Variants in NUDT2 observed in about 807,000 individuals in gnomAD.
NUDT2 encodes the protein bis(5'-nucleosyl)-tetraphosphatase [asymmetrical].
A neutral mutation model predicts 14.2 loss-of-function variants in NUDT2; 12 were observed. The observed-to-expected ratio is 0.84, with a 90% CI of 0.54 to 1.37. The LOEUF is 1.37. Ranked by LOEUF, NUDT2 falls within the 40% of genes most tolerant of loss-of-function variation. The pLI, the probability that NUDT2 is intolerant of heterozygous loss-of-function variation, is 0.00. For missense variants in NUDT2, 167 were observed against 176.7 expected (o/e 0.95, Z 0.31); for synonymous variants, 67 against 67.4 (o/e 0.99, Z 0.03).
intron 1 of NUDT2, among the ~76,000 whole-genome samples, chr9:34,335,480 T>C (rs1838068421): frequency 6.6e-6 from 1 of 152,194 alleles, no homozygotes; most frequent in Non-Finnish European, 1.5e-5. Flanking sequence ...GTTCAAGCCG[T>C]GTTAAGGATG....
At chr9:34,330,789 G>A (rs1426754622) in intron 1 of NUDT2, among the ~76,000 whole-genome samples, 1 of 151,834 alleles carries the variant, frequency 6.6e-6, no homozygotes, top group East Asian at 1.9e-4. Context: ...GTGAAACCCC[G>A]TCTCTACTAA....
chr9:34,334,526 G>A (rs1262355902), intron 1 of NUDT2, among the ~76,000 whole-genome samples: 1 of 152,148 alleles, frequency 6.6e-6, no homozygotes. Context: ...TCAGCTTTGT[G>A]GTCTCCAGAA....
intron 4 of NUDT2, among the ~76,000 whole-genome samples, chr9:34,339,746 G>A (rs1325509562): frequency 6.6e-6 from 1 of 152,050 alleles, no homozygotes; most frequent in Admixed American, 6.6e-5. Flanking sequence ...AGGAGGCTGA[G>A]GTTAGAGAAT....
chr9:34,333,854 CT>C (rs1838018019), intron 1 of NUDT2, among the ~76,000 whole-genome samples: 1 of 152,086 alleles, frequency 6.6e-6, no homozygotes, highest in Admixed American at 6.6e-5. Flanking sequence ...CAGCTATGCC[CT>C]TATGCAAGTA....
intron 4 of NUDT2, among the ~76,000 whole-genome samples, chr9:34,340,629 C>T (rs1820162466): frequency 6.6e-6 from 1 of 152,186 alleles, no homozygotes; most frequent in South Asian, 2.1e-4. Context: ...CACTCCTGAC[C>T]TCACCTCTAA....
In NUDT2 at chr9:34,338,819, T is replaced by C; in HGVS notation, c.-45T>C. ...TAGAGGCCACATTGACTGAGGGTAG[T>C]TGCCAGGGTCCTGCAGTTATACACA... On this transcript the variant is annotated 5_prime_UTR_variant, in exon 3 of 5. Coordinates refer to ENST00000379158, the MANE Select transcript of NUDT2 (RefSeq NM_001161.5). The C allele has an allele frequency of 2.6e-6, 1 of 377,412 alleles. No individual in the cohort carries two copies. The highest frequency in any genetic ancestry group is 5.4e-5 in the South Asian group (1 of 18,600). The allele number at this position is 377,412 out of a possible 1,614,324, so 23.4% of individuals were successfully genotyped here. A position where few individuals can be genotyped will look rare whatever the true frequency, so the allele number is the denominator to read the frequency against.
chr9:34,340,183 G>T (rs1838197155), intron 4 of NUDT2, among the ~76,000 whole-genome samples: 1 of 152,228 alleles, frequency 6.6e-6, no homozygotes, highest in East Asian at 1.9e-4. Context: ...TGATCTGCCC[G>T]TCTGAGCCTC....
rs139349384 is a variant in NUDT2 at position 34,343,303 on chromosome 9, G to A, written c.307G>A (p.Val103Met). The change falls in exon 5 of 5, where the codon GTG becomes ATG. Residue 103 changes from valine (V) to methionine (M), a missense_variant. Physicochemically the swap from Val to Met is conservative, Grantham distance 21. Transcript: ENST00000379158. ...GCTGGCGGAGGTGAAGGACTATGAC[G>A]TGGAGATCCGCCTCTCCCATGAGCA... ...YWLAEVKDYD[V>M]EIRLSHEHQA... 30 of 1,611,774 alleles carry A rather than the reference G, an allele frequency of 1.9e-5. No individual in the cohort carries two copies. Among genetic ancestry groups the A allele is most frequent in the Admixed American group, 6.7e-5 (4 of 59,898 alleles).
rs549533874 is a variant in NUDT2, at chr9:34,335,164, A to G, written c.-264-1065A>G. On this transcript the variant is annotated intron_variant, in intron 1 of 4. Transcript: ENST00000379158. ...CCGGCTTCTCCAGATCACCTGAGTC[A>G]CTGAGCTTGGGACCAGTGAAAGGAA... Among the ~76,000 whole-genome samples the G allele has an allele frequency of 1.1e-3, 169 of 152,282 alleles. 6 individuals carry two copies. In the South Asian group the frequency reaches 0.034, roughly 30 times the overall value.
At chr9:34,331,182 A>G (rs997404965) in intron 1 of NUDT2, among the ~76,000 whole-genome samples, 3 of 152,208 alleles carry the variant, frequency 2.0e-5, no homozygotes, top group African/African-American at 7.2e-5. Flanking sequence ...GGGACCTTAT[A>G]AGGAATATAT....
intron 4 of NUDT2, 125 bp downstream of exon 4, chr9:34,339,291 A>AAACTT: frequency 8.5e-7 from 1 of 1,175,850 alleles, no homozygotes. Flanking sequence ...GGAAGGTAGG[A>AAACTT]GCTCTTGACC....
chr9:34,343,033 CAG>C, intron 4 of NUDT2, 89 bp from the exon 5 acceptor site: 3 of 1,212,638 alleles, frequency 2.5e-6, no homozygotes, highest in Non-Finnish European at 3.5e-6. Context: ...CAAAGCAAAA[CAG>C]AAAAAAAAAA....
chr9:34,340,868 G>A (rs1027987237), intron 4 of NUDT2, among the ~76,000 whole-genome samples: 7 of 152,118 alleles, frequency 4.6e-5, no homozygotes, highest in Admixed American at 1.3e-4. Flanking sequence ...TATAGAGACA[G>A]GGTCTTACTA....
rs112885765 is a variant in NUDT2 at position 34,343,538 on chromosome 9, C to T, written c.*98C>T. The T allele has an allele frequency of 1.4e-5, 16 of 1,117,682 alleles. No individual in the cohort carries two copies. The highest frequency in any genetic ancestry group is 1.0e-4 in the East Asian group (4 of 38,478). The allele number at this position is 1,117,682 out of a possible 1,614,324, so 69.2% of individuals were successfully genotyped here. ...CAGGGAAGGTTGTGCTGGTATTTGG[C>T]TCATGACAGCCAAGAGCAGATTTGT... is the stretch of plus-strand genomic sequence containing the variant. On this transcript the variant is annotated 3_prime_UTR_variant, in exon 5 of 5. Transcript: ENST00000379158.
intron 1 of NUDT2, among the ~76,000 whole-genome samples, chr9:34,335,232 G>C (rs537042477): frequency 1.3e-5 from 2 of 152,304 alleles, no homozygotes; most frequent in East Asian, 3.9e-4. Flanking sequence ...AGTTGTCCTT[G>C]TAGATCCCAG....
At chr9:34,336,193 C>T (rs1838084482) in intron 1 of NUDT2, 36 bp from the exon 2 acceptor site, 1 of 152,134 alleles carries the variant, frequency 6.6e-6, no homozygotes, top group African/African-American at 2.4e-5. Flanking sequence ...TACCCCACAT[C>T]TATAACTTTC....
chr9:34,340,206 G>T (rs1327603750), intron 4 of NUDT2, among the ~76,000 whole-genome samples: 1 of 152,204 alleles, frequency 6.6e-6, no homozygotes, highest in Non-Finnish European at 1.5e-5. Context: ...AAAGTGCTGG[G>T]ATTACAGGCG....
At chr9:34,339,265 T>C in intron 4 of NUDT2, 99 bp downstream of exon 4, 3 of 1,447,938 alleles carry the variant, frequency 2.1e-6, no homozygotes, top group Non-Finnish European at 2.8e-6. Flanking sequence ...AGTGACTGTG[T>C]AGCAAAAAGG....
At chr9:34,330,706 A>G (rs937829216) in intron 1 of NUDT2, among the ~76,000 whole-genome samples, 4 of 152,074 alleles carry the variant, frequency 2.6e-5, no homozygotes, top group African/African-American at 9.7e-5. Context: ...TCACGCCTGT[A>G]ATCCTAGCCC....
Sources: gnomAD v4.1 joint callset for allele counts (sites outside exome capture counted in the v4.1 genomes callset) on GRCh38, gnomAD v4.1.1 for gene constraint, MANE v1.5 for transcripts, NCBI Gene and HGNC (gene_info 2026-07-23, HGNC 2026-07-21) for gene names.